Variants in NTPCR observed in about 807,000 individuals in gnomAD.
The protein encoded by NTPCR is cancer-related nucleoside-triphosphatase.
NTPCR carries 15 observed loss-of-function variants against 19.5 expected under a neutral mutation model. The observed-to-expected ratio is 0.77, with a 90% CI of 0.51 to 1.18. The LOEUF is 1.18. NTPCR is among the 50% of genes most tolerant of loss of function. NTPCR has a pLI of 0.00. For missense variants in NTPCR, 206 were observed against 240.4 expected (o/e 0.86, Z 0.95); for synonymous variants, 90 against 95.8 (o/e 0.94, Z 0.36).
Position 232,950,732 on chromosome 1 carries a change from A to G in NTPCR, c.22A>G (p.Thr8Ala). MARHVFL[T>A]GPPGVGKTTL... ...CAGTATGGCCCGGCACGTGTTCCTAACGGGGCCCCCAGGTAACCCTGAGGG... is the reference window on the plus strand; with the variant it reads ...CAGTATGGCCCGGCACGTGTTCCTAGCGGGGCCCCCAGGTAACCCTGAGGG... Residue 8 changes from threonine (T) to alanine (A), a missense_variant, in exon 1 of 5, where the codon ACG becomes GCG. By Grantham distance (58) the Thr-to-Ala change is moderately conservative. Transcript: ENST00000366628. The G allele has an allele frequency of 6.2e-7, 1 of 1,602,906 alleles. No individual in the cohort carries two copies. The highest frequency in any genetic ancestry group is 1.1e-5 in the South Asian group (1 of 90,282).
intron 3 of NTPCR, chr1:232,966,191 T>C (rs1196826359): frequency 2.6e-5 from 4 of 152,214 alleles, no homozygotes; most frequent in African/African-American, 9.7e-5. Flanking sequence ...GTTAGCACCA[T>C]TTGCCTTTCT....
intron 3 of NTPCR, chr1:232,966,756 A>C (rs1373465403): frequency 6.6e-6 from 1 of 152,238 alleles, no homozygotes; most frequent in East Asian, 1.9e-4. Context: ...TCATGGCTGA[A>C]CATTTATAAT....
At chr1:232,954,642 C>A (rs78451898) in intron 1 of NTPCR, among the ~76,000 whole-genome samples, 1 of 152,176 alleles carries the variant, frequency 6.6e-6, no homozygotes, top group African/African-American at 2.4e-5. Context: ...CTCAGTTTCT[C>A]CATCTGTAAA....
In NTPCR at chr1:232,956,443, T is replaced by C. The variant is rs375272793; in HGVS notation, c.294T>C (p.Asn98=). 6.3e-7 allele frequency: 1 copy of C among 1,599,518 alleles called. No individual in the cohort carries two copies. The highest frequency in any genetic ancestry group is 1.3e-5 in the African/African-American group (1 of 74,630). The change falls in exon 3 of 5, where the codon AAT becomes AAC. Residue 98 remains asparagine (N), a splice_region_variant and synonymous_variant. Coordinates refer to ENST00000366628, the MANE Select transcript of NTPCR (RefSeq NM_032324.3). ...AGTTGGCACTACCCGTCTTGAGGAATGTGAGTACGTGATTTCTGCTTTTTG... is the reference window on the plus strand; with the variant it reads ...AGTTGGCACTACCCGTCTTGAGGAACGTGAGTACGTGATTTCTGCTTTTTG... ...FEQLALPVLR[N]ADCSSGPGQR...
intron 1 of NTPCR, 91 bp downstream of exon 1, chr1:232,950,835 G>C (rs1192144233): frequency 1.3e-6 from 1 of 785,584 alleles, no homozygotes; most frequent in Non-Finnish European, 2.0e-6. Flanking sequence ...GAGGGTCTCC[G>C]GCTCCAGGGC....
chr1:232,952,307 T>C (rs1668386992), intron 1 of NTPCR, among the ~76,000 whole-genome samples: 1 of 152,020 alleles, frequency 6.6e-6, no homozygotes, highest in Non-Finnish European at 1.5e-5. Context: ...ACTCCTGGGC[T>C]TAAGTGATCC....
At chr1:232,973,425 A>T (rs1571968008) in intron 4 of NTPCR, among the ~76,000 whole-genome samples, 1 of 152,344 alleles carries the variant, frequency 6.6e-6, no homozygotes, top group East Asian at 1.9e-4. Context: ...GTTATTTATA[A>T]TACAAGCATA....
intron 4 of NTPCR, among the ~76,000 whole-genome samples, chr1:232,971,498 C>G (rs1331912673): frequency 6.6e-6 from 1 of 152,032 alleles, no homozygotes; most frequent in African/African-American, 2.4e-5. Context: ...GTTAGACCAG[C>G]CAGACTTGGA....
intron 3 of NTPCR, chr1:232,968,409 A>G (rs368878644): frequency 1.3e-5 from 2 of 152,256 alleles, no homozygotes; most frequent in East Asian, 3.8e-4. Context: ...TGCAATCACA[A>G]CTGGGGTTTA....
intron 3 of NTPCR, 179 bp from the exon 4 acceptor site, chr1:232,969,730 T>G: frequency 3.6e-6 from 2 of 555,082 alleles, no homozygotes; most frequent in Non-Finnish European, 6.5e-6. Flanking sequence ...GACTCACCCT[T>G]GTGCAGTCCC....
At chr1:232,976,171 T>C in intron 4 of NTPCR, 1 of 634,716 alleles carries the variant, frequency 1.6e-6, no homozygotes. Context: ...ATAATGTACA[T>C]ATTTATGGGG....
At chr1:232,974,904 A>C (rs1467803913) in intron 4 of NTPCR, among the ~76,000 whole-genome samples, 1 of 152,212 alleles carries the variant, frequency 6.6e-6, no homozygotes, top group Non-Finnish European at 1.5e-5. Context: ...CCAACACATG[A>C]AATGTGGGGG....
Position 232,950,616 on chromosome 1 carries a change from G to A in NTPCR, c.-95G>A. On this transcript the variant is annotated 5_prime_UTR_variant, in exon 1 of 5. Coordinates refer to ENST00000366628, the MANE Select transcript of NTPCR (RefSeq NM_032324.3). Reference sequence around the variant, plus strand: ...CGGGGCCTGCGACACGCGGTGGGCGGGTCCTGAGTCGCGACCCTGGTCCGG... The same window carrying A: ...CGGGGCCTGCGACACGCGGTGGGCGAGTCCTGAGTCGCGACCCTGGTCCGG... 1 of 990,974 alleles carries A rather than the reference G, an allele frequency of 1.0e-6. No homozygotes were observed. The highest frequency in any genetic ancestry group is 1.6e-5 in the African/African-American group (1 of 61,936). The allele number at this position is 990,974 out of a possible 1,614,324, so 61.4% of individuals were successfully genotyped here.
intron 1 of NTPCR, 40 bp from the exon 2 acceptor site, chr1:232,955,517 A>G: frequency 2.0e-6 from 3 of 1,475,584 alleles, no homozygotes; most frequent in Non-Finnish European, 2.7e-6. Context: ...ATGTTTCCTA[A>G]TGGGCTTTTC....
At chr1:232,965,619 G>T (rs1298992830) in intron 3 of NTPCR, 3 of 152,392 alleles carry the variant, frequency 2.0e-5, no homozygotes, top group Admixed American at 6.5e-5. Context: ...CAGGGAGCTG[G>T]GGTCCGGAGT....
In NTPCR at chr1:232,981,354, A is replaced by T. The variant is rs1360818723; in HGVS notation, c.*3123A>T. On this transcript the variant is annotated 3_prime_UTR_variant, in exon 5 of 5. Transcript: ENST00000366628. Reference sequence around the variant, plus strand: ...TGGTGGGCTGGAAAATGTGGAACAGACCTGCTCCTCTTCTTTTCCTGCCAA... The same window carrying T: ...TGGTGGGCTGGAAAATGTGGAACAGTCCTGCTCCTCTTCTTTTCCTGCCAA... The T allele has an allele frequency of 6.6e-6, 1 of 152,182 alleles. No homozygotes were observed. The highest frequency in any genetic ancestry group is 2.4e-5 in the African/African-American group (1 of 41,434). 9.4% of individuals were successfully genotyped at this position (152,182 alleles called of 1,614,324 possible).
intron 4 of NTPCR, 35 bp downstream of exon 4, chr1:232,970,153 T>C (rs763801746): frequency 1.0e-5 from 16 of 1,528,150 alleles, no homozygotes; most frequent in East Asian, 4.5e-5. Flanking sequence ...TCAGTGGAAA[T>C]GGAGCAGATG....
chr1:232,961,956 C>T (rs1488592456), intron 3 of NTPCR: 2 of 152,194 alleles, frequency 1.3e-5, no homozygotes, highest in African/African-American at 4.8e-5. Flanking sequence ...ATCCTTGCAT[C>T]AGTACCATAG....
intron 1 of NTPCR, among the ~76,000 whole-genome samples, chr1:232,952,001 C>T (rs1321507919): frequency 6.6e-6 from 1 of 152,112 alleles, no homozygotes; most frequent in Admixed American, 6.5e-5. Context: ...TCTGCTTTAT[C>T]AAAGTCTTAC....
Sources: gnomAD v4.1 joint callset for allele counts (sites outside exome capture counted in the v4.1 genomes callset) on GRCh38, gnomAD v4.1.1 for gene constraint, MANE v1.5 for transcripts, NCBI Gene and HGNC (gene_info 2026-07-23, HGNC 2026-07-21) for gene names.